The following ARIH1 variants were observed in gnomAD, a reference collection of about 807,000 sequenced individuals.
ARIH1 encodes the protein ariadne RBR E3 ubiquitin protein ligase 1.
ARIH1 carries 8 observed loss-of-function variants against 85.0 expected under a neutral mutation model. The observed-to-expected ratio is 0.09, with a 90% confidence interval of 0.06 to 0.17. The LOEUF is 0.17. ARIH1 is among the 10% of genes least tolerant of loss of function. The pLI is 1.00. For synonymous variants in ARIH1, 238 were observed against 253.6 expected (o/e 0.94, Z 0.59); for missense variants, 311 against 718.1 (o/e 0.43, Z 6.48).
chr15:72,568,321 CTT>C (rs2064229802), intron 9 of ARIH1, among the ~76,000 whole-genome samples: 1 of 152,030 alleles, frequency 6.6e-6, no homozygotes, highest in Non-Finnish European at 1.5e-5. Context: ...AGAAATGTTC[CTT>C]AAGTCCCAGA....
At chr15:72,496,756 T>C in intron 1 of ARIH1, 1 of 970,344 alleles carries the variant, frequency 1.0e-6, no homozygotes, top group Non-Finnish European at 1.2e-6. Flanking sequence ...CCTTTGCCGC[T>C]GTGGCCCATT....
intron 12 of ARIH1, chr15:72,581,654 G>A (rs972241133): frequency 1.2e-5 from 2 of 161,548 alleles, no homozygotes; most frequent in African/African-American, 4.8e-5. Flanking sequence ...AGCCATAGTG[G>A]TAAAGGATGA....
At chr15:72,488,784 T>C (rs758694494) in intron 1 of ARIH1, among the ~76,000 whole-genome samples, 3 of 152,252 alleles carry the variant, frequency 2.0e-5, no homozygotes, top group Non-Finnish European at 4.4e-5. Context: ...GATTTCTAGA[T>C]AATGCCAAAG....
intron 2 of ARIH1, among the ~76,000 whole-genome samples, chr15:72,527,909 A>G (rs370456460): frequency 7.9e-5 from 12 of 152,320 alleles, no homozygotes; most frequent in African/African-American, 2.6e-4. Context: ...TTCCTAATAT[A>G]TAGCCATTGT....
chr15:72,477,899 A>G lies in ARIH1; in HGVS notation c.375+2885A>G, dbSNP rs901110508. On this transcript the variant is annotated intron_variant, in intron 1 of 13. Coordinates refer to ENST00000379887, the MANE Select transcript of ARIH1 (RefSeq NM_005744.5). ...CAGCTTACTGCAACCTCTCCCTCCC[A>G]GGTTCAAGAGATTCCCCTTGCCTCA... 2.6e-5 allele frequency among the ~76,000 whole-genome samples: 4 copies of G among 151,564 alleles called. 1 individual carries two copies. The highest frequency in any genetic ancestry group is 9.7e-5 in the African/African-American group (4 of 41,304).
rs2064365496 is a variant in ARIH1, at chr15:72,596,906, T to A, written c.*13614T>A. 2.0e-5 allele frequency: 3 copies of A among 152,182 alleles called. No individual in the cohort carries two copies. The highest frequency in any genetic ancestry group is 7.2e-5 in the African/African-American group (3 of 41,458). The allele number at this position is 152,182 out of a possible 1,614,324, so 9.4% of individuals were successfully genotyped here. A position where few individuals can be genotyped will look rare whatever the true frequency, so the allele number is the denominator to read the frequency against. Reference sequence around the variant, plus strand: ...TTTCCACATTTTCCATTCTACTTTTTAGCATTTTAATCAGTTATTTTATTG... The same window carrying A: ...TTTCCACATTTTCCATTCTACTTTTAAGCATTTTAATCAGTTATTTTATTG... On this transcript the variant is annotated 3_prime_UTR_variant, in exon 14 of 14. Transcript: ENST00000379887.
intron 2 of ARIH1, among the ~76,000 whole-genome samples, chr15:72,520,948 A>G (rs1018459719): frequency 1.3e-5 from 2 of 152,106 alleles, no homozygotes; most frequent in East Asian, 1.9e-4. Flanking sequence ...GACTCAAGCA[A>G]TCCTTCCATT....
At chr15:72,497,433 A>G (rs541351542) in intron 1 of ARIH1, among the ~76,000 whole-genome samples, 3 of 147,654 alleles carry the variant, frequency 2.0e-5, no homozygotes, top group African/African-American at 7.3e-5. Flanking sequence ...GCTAAATGAT[A>G]GCAGTTATAA....
At chr15:72,493,726 G>A (rs2140397716) in intron 1 of ARIH1, among the ~76,000 whole-genome samples, 1 of 152,188 alleles carries the variant, frequency 6.6e-6, no homozygotes, top group South Asian at 2.1e-4. Flanking sequence ...ACTTATCTTT[G>A]TGAATCAGGT....
intron 8 of ARIH1, 87 bp downstream of exon 8, chr15:72,566,692 C>G (rs1412845819): frequency 8.4e-7 from 1 of 1,187,838 alleles, no homozygotes; most frequent in Non-Finnish European, 1.2e-6. Flanking sequence ...ATTTTGTTAT[C>G]TATCTATTGA....
rs912914505 is a variant in ARIH1, at chr15:72,583,805, T to G, written c.*513T>G. 6.6e-6 allele frequency: 1 copy of G among 152,294 alleles called. No individual in the cohort carries two copies. The highest frequency in any genetic ancestry group is 6.5e-5 in the Admixed American group (1 of 15,274). The allele number at this position is 152,294 out of a possible 1,614,324, so 9.4% of individuals were successfully genotyped here. A position where few individuals can be genotyped will look rare whatever the true frequency, so the allele number is the denominator to read the frequency against. On this transcript the variant is annotated 3_prime_UTR_variant, in exon 14 of 14. Transcript: ENST00000379887. ...GCTTAGTTCCTTGTAAAGAAAATCT[T>G]GGGATGGGGAAAGGGGTAGGCAGCA...
chr15:72,563,617 A>T (rs1264933217), intron 7 of ARIH1, 117 bp downstream of exon 7: 1 of 793,134 alleles, frequency 1.3e-6, no homozygotes, highest in East Asian at 2.6e-5. Context: ...GAGATGTTTG[A>T]TACTGGTTTA....
At position 72,596,243 on chromosome 15, in the gene ARIH1, C is replaced by T. The variant is rs2064363251; in HGVS notation, c.*12951C>T. On this transcript the variant is annotated 3_prime_UTR_variant, in exon 14 of 14. Coordinates refer to ENST00000379887, the MANE Select transcript of ARIH1 (RefSeq NM_005744.5). ...AGTTGGATATAGGACTCTATGTTGA[C>T]CTTTTATTTCTTCTTTCAGTACTTT... The T allele has an allele frequency of 6.6e-6, 1 of 152,012 alleles. No homozygotes were observed. The highest frequency in any genetic ancestry group is 1.5e-5 in the Non-Finnish European group (1 of 67,988). 9.4% of individuals were successfully genotyped at this position (152,012 alleles called of 1,614,324 possible). A position where few individuals can be genotyped will look rare whatever the true frequency, so the allele number is the denominator to read the frequency against.
intron 2 of ARIH1, among the ~76,000 whole-genome samples, chr15:72,523,195 G>T (rs566731608): frequency 6.6e-6 from 1 of 152,336 alleles, no homozygotes; most frequent in South Asian, 2.1e-4. Flanking sequence ...GCACATGGAT[G>T]TTCATAGCAG....
At chr15:72,540,528 T>C (rs1337865126) in intron 2 of ARIH1, among the ~76,000 whole-genome samples, 1 of 152,056 alleles carries the variant, frequency 6.6e-6, no homozygotes, top group East Asian at 1.9e-4. Context: ...ACATGAAACT[T>C]TGGTAAAAGA....
At chr15:72,568,614 G>A (rs190534581) in intron 9 of ARIH1, among the ~76,000 whole-genome samples, 1 of 152,198 alleles carries the variant, frequency 6.6e-6, no homozygotes, top group East Asian at 1.9e-4. Context: ...AAGCTTTTAA[G>A]ATTATTAGCT....
In ARIH1 at chr15:72,474,702, C is replaced by T; in HGVS notation, c.63C>T (p.Asp21=). ...AGGACGAGGAGTGCAGTGAGGAGGA[C>T]AGCGGCGCCGAGGAGGAGGAGGACG... The part of the protein sequence containing the change: ...FDEDEECSEE[D]SGAEEEEDED... The change falls in exon 1 of 14, where the codon GAC becomes GAT. Residue 21 remains aspartate (D), a synonymous_variant. Transcript: ENST00000379887. 6.4e-7 allele frequency: 1 copy of T among 1,568,838 alleles called. No homozygotes were observed. Among genetic ancestry groups the T allele is most frequent in the Non-Finnish European group, 8.6e-7 (1 of 1,159,056 alleles).
intron 2 of ARIH1, among the ~76,000 whole-genome samples, chr15:72,525,283 T>C (rs896545183): frequency 6.6e-6 from 1 of 152,222 alleles, no homozygotes; most frequent in African/African-American, 2.4e-5. Context: ...AACAGATTTA[T>C]GAAGATAAAG....
chr15:72,495,916 A>T (rs1434629656), intron 1 of ARIH1, among the ~76,000 whole-genome samples: 1 of 152,062 alleles, frequency 6.6e-6, no homozygotes, highest in African/African-American at 2.4e-5. Flanking sequence ...TATATCTTAC[A>T]ATTTTTTTCC....
Sources: allele counts gnomAD v4.1 joint callset (sites outside exome capture counted in the v4.1 genomes callset), GRCh38; gene constraint gnomAD v4.1.1; transcripts MANE v1.5; gene names NCBI Gene and HGNC (gene_info 2026-07-23, HGNC 2026-07-21).